MAPK10: variants seen among roughly 807,000 people sequenced by gnomAD.
The protein encoded by MAPK10 is JNK3 alpha protein kinase.
In MAPK10, 25 loss-of-function variants were observed where a neutral mutation model predicts 59.3. That is an observed-to-expected ratio of 0.42 (90% CI 0.31 to 0.59). The LOEUF (loss-of-function observed/expected upper bound fraction) is 0.59, where lower values mean the gene tolerates loss of function less well. MAPK10 is among the 20% of genes least tolerant of loss of function. The pLI is 0.15. For missense variants in MAPK10, 351 were observed against 568.9 expected, an observed-to-expected ratio of 0.62 and a Z score of 3.90; for synonymous variants, 190 against 200.5, an observed-to-expected ratio of 0.95 and a Z score of 0.44.
At chr4:86,101,806 A>G in intron 7 of MAPK10, 88 bp downstream of exon 7, 1 of 1,342,880 alleles carries the variant, frequency 7.4e-7, no homozygotes, top group Non-Finnish European at 1.0e-6. Context: ...ATTATATTTG[A>G]CCAATGCCCC....
chr4:86,288,820 CAA>C (rs2095120039), intron 2 of MAPK10, among the ~76,000 whole-genome samples: 1 of 151,278 alleles, frequency 6.6e-6, no homozygotes, highest in Non-Finnish European at 1.5e-5. Flanking sequence ...TATGGAAATT[CAA>C]AAGAGAGATC....
At chr4:86,571,329 T>TAC (rs1761434697) in intron 1 of MAPK10, among the ~76,000 whole-genome samples, 1 of 70,936 alleles carries the variant, frequency 1.4e-5, no homozygotes, top group Non-Finnish European at 3.3e-5. Context: ...TATATATACG[T>TAC]GTGTGTGTGT....
chr4:86,210,728 A>G (rs1201901670), intron 2 of MAPK10, among the ~76,000 whole-genome samples: 2 of 151,912 alleles, frequency 1.3e-5, no homozygotes, highest in East Asian at 3.9e-4. Flanking sequence ...AGTCAAAGAA[A>G]AAAATAGACA....
chr4:86,125,505 A>G (rs2059931982), intron 4 of MAPK10: 1 of 152,048 alleles, frequency 6.6e-6, no homozygotes, highest in Non-Finnish European at 1.5e-5. Context: ...CCTTTTAGAT[A>G]TAAGTGATAT....
At chr4:86,076,078 G>A (rs1345539031) in intron 9 of MAPK10, among the ~76,000 whole-genome samples, 1 of 152,190 alleles carries the variant, frequency 6.6e-6, no homozygotes, top group Non-Finnish European at 1.5e-5. Context: ...CGAGCCAGGT[G>A]TGGGATATAG....
In MAPK10 at chr4:86,107,283, T is replaced by C. The variant is rs1486696786; in HGVS notation, c.306A>G (p.Gln102=). 3 of 1,613,328 alleles carry C rather than the reference T, an allele frequency of 1.9e-6. No homozygotes were observed. Among genetic ancestry groups the C allele is most frequent in the African/African-American group, 1.3e-5 (1 of 74,868 alleles). ...CCCGGTACGCTCTCTTGGCATGTGT[T>C]TGGTTCTGAAAGGGTCTGCTGAGCT... ...IKKLSRPFQN[Q]THAKRAYREL... The change falls in exon 5 of 14, where the codon CAA becomes CAG. Residue 102 remains glutamine, a synonymous_variant. Transcript: ENST00000641462.
At chr4:86,396,623 G>C (rs1742983135) in intron 1 of MAPK10, among the ~76,000 whole-genome samples, 1 of 152,194 alleles carries the variant, frequency 6.6e-6, no homozygotes, top group Non-Finnish European at 1.5e-5. Context: ...TCACAGTTCT[G>C]CAGGCTGTAC....
chr4:86,071,422 T>A (rs984623995), intron 9 of MAPK10, among the ~76,000 whole-genome samples: 3 of 128,278 alleles, frequency 2.3e-5, no homozygotes, highest in African/African-American at 9.8e-5. Flanking sequence ...CAATTTTGTC[T>A]TTTGTTGCCG....
chr4:86,404,935 A>C (rs192085760), intron 1 of MAPK10, among the ~76,000 whole-genome samples: 473 of 152,370 alleles, frequency 3.1e-3, no homozygotes, highest in Non-Finnish European at 4.8e-3. Flanking sequence ...ACCTTGAATA[A>C]GGAAATGAAA....
intron 3 of MAPK10, among the ~76,000 whole-genome samples, chr4:86,168,076 G>C (rs1248384233): frequency 6.6e-6 from 1 of 152,130 alleles, no homozygotes; most frequent in Non-Finnish European, 1.5e-5. Context: ...CATTCTGAGA[G>C]GACAGCCAAG....
intron 1 of MAPK10, among the ~76,000 whole-genome samples, chr4:86,372,564 G>GGA (rs1554253763): frequency 0.016 from 1,295 of 78,714 alleles, 26 homozygotes; most frequent in African/African-American, 0.025. Context: ...AAGAAAGAAA[G>GGA]AAAGAAAAGA....
chr4:86,509,785 C>T (rs1475830242), intron 1 of MAPK10, among the ~76,000 whole-genome samples: 1 of 152,070 alleles, frequency 6.6e-6, no homozygotes, highest in Admixed American at 6.6e-5. Context: ...TGAACAGGTC[C>T]CATTTTGTCA....
chr4:86,580,486 G>A lies in MAPK10; in HGVS notation c.-263+13424C>T, dbSNP rs145101593. Among the ~76,000 whole-genome samples the A allele has an allele frequency of 1.2e-3, 177 of 151,636 alleles. 2 individuals carry two copies. The highest frequency in any genetic ancestry group is 4.0e-3 in the African/African-American group (167 of 41,432). Reference sequence around the variant, plus strand: ...TGCATTCCAGCCTGTGCGACAGAGCGAGACTCCACCTCAGAAAAAAAAAAG... The same window carrying A: ...TGCATTCCAGCCTGTGCGACAGAGCAAGACTCCACCTCAGAAAAAAAAAAG... On this transcript the variant is annotated intron_variant, in intron 1 of 4. Transcript: ENST00000502302.
chr4:86,053,011 T>G (rs1371741490), intron 11 of MAPK10, among the ~76,000 whole-genome samples: 2 of 151,958 alleles, frequency 1.3e-5, no homozygotes, highest in Non-Finnish European at 2.9e-5. Context: ...AAAAGAAGAA[T>G]GTAGTATTTA....
intron 1 of MAPK10, among the ~76,000 whole-genome samples, chr4:86,556,964 C>T (rs1231564238): frequency 6.6e-6 from 1 of 151,968 alleles, no homozygotes. Flanking sequence ...GGCAGTGAAA[C>T]CCATAAGATT....
At chr4:86,543,244 C>T (rs1186815128) in intron 1 of MAPK10, among the ~76,000 whole-genome samples, 1 of 152,084 alleles carries the variant, frequency 6.6e-6, no homozygotes, top group Non-Finnish European at 1.5e-5. Context: ...TAACAGAGAC[C>T]AAACTAGCAA....
At chr4:86,504,633 T>C (rs1482809030) in intron 1 of MAPK10, among the ~76,000 whole-genome samples, 1 of 151,730 alleles carries the variant, frequency 6.6e-6, no homozygotes, top group Admixed American at 6.6e-5. Context: ...TCAAGTTGTC[T>C]ATAAACATTC....
intron 1 of MAPK10, among the ~76,000 whole-genome samples, chr4:86,368,343 T>C (rs1738237246): frequency 6.6e-6 from 1 of 152,228 alleles, no homozygotes; most frequent in South Asian, 2.1e-4. Context: ...TTGTTACAAC[T>C]GATGAACCAA....
rs76982298 is a variant in MAPK10 at position 86,393,717 on chromosome 4, G to T, written c.-121-39073C>A. ...ACTGTCACTATATCTGTGGGTAAAGGGTACTTAGTAGAATAATAAAAAATG... is the reference window on the plus strand; with the variant it reads ...ACTGTCACTATATCTGTGGGTAAAGTGTACTTAGTAGAATAATAAAAAATG... On this transcript the variant is annotated intron_variant, in intron 1 of 13. Transcript: ENST00000361569. Among the ~76,000 whole-genome samples, 196 of 152,080 alleles carry T rather than the reference G, an allele frequency of 1.3e-3. 4 individuals carry two copies. The East Asian group carries it at 0.028, about 21-fold the overall frequency.
Sources: gnomAD v4.1 joint callset for allele counts (sites outside exome capture counted in the v4.1 genomes callset) on GRCh38, gnomAD v4.1.1 for gene constraint, MANE v1.5 for transcripts, NCBI Gene and HGNC (gene_info 2026-07-23, HGNC 2026-07-21) for gene names.